MORC1: variants seen among roughly 807,000 people sequenced by gnomAD.
MORC1 encodes MORC family CW-type zinc finger protein 1.
MORC1 carries 59 observed loss-of-function variants against 134.9 expected under a neutral mutation model. The observed-to-expected ratio is 0.44, with a 90% CI of 0.35 to 0.54. The LOEUF (loss-of-function observed/expected upper bound fraction) is 0.54, where lower values mean the gene tolerates loss of function less well. MORC1 is among the 20% of genes least tolerant of loss of function. The pLI, the probability that MORC1 is intolerant of heterozygous loss-of-function variation, is 0.00. For synonymous variants in MORC1, 395 were observed against 391.7 expected, an observed-to-expected ratio of 1.01 and a Z score of -0.10; for missense variants, 947 against 1,134.5, an observed-to-expected ratio of 0.83 and a Z score of 2.37.
intron 3 of MORC1, 33 bp downstream of exon 3, chr3:109,110,716 A>T (rs959607113): frequency 6.5e-7 from 1 of 1,542,142 alleles, no homozygotes; most frequent in Admixed American, 2.1e-5. Flanking sequence ...TTTCCATTAG[A>T]AGAAAATAAA....
At chr3:109,095,159 A>T in intron 6 of MORC1, 91 bp from the exon 7 acceptor site, 1 of 1,217,764 alleles carries the variant, frequency 8.2e-7, no homozygotes, top group Non-Finnish European at 1.1e-6. Context: ...CTTCATCTAG[A>T]CAAATTACAA....
intron 8 of MORC1, among the ~76,000 whole-genome samples, chr3:109,071,236 G>C (rs76424859): frequency 0.032 from 4,900 of 152,166 alleles, 249 homozygotes; most frequent in African/African-American, 0.11. Flanking sequence ...TTTATCATTT[G>C]AAGGTAAAAA....
chr3:109,035,488 G>A lies in MORC1; in HGVS notation c.1331-20C>T, dbSNP rs770630953. 93 of 1,359,116 alleles carry A rather than the reference G, an allele frequency of 6.8e-5. 1 individual carries two copies. The highest frequency in any genetic ancestry group is 1.1e-4 in the Admixed American group (4 of 36,562). The allele number at this position is 1,359,116 out of a possible 1,614,324, so 84.2% of individuals were successfully genotyped here. On this transcript the variant is annotated intron_variant, in intron 14 of 27. Transcript: ENST00000232603. ...TATTATCTTTTAAAAAAAAAAGCAG[G>A]CAAAGAATAACAAAAAAAAATCATT...
intron 8 of MORC1, among the ~76,000 whole-genome samples, chr3:109,091,003 G>A (rs1950709702): frequency 6.6e-6 from 1 of 152,074 alleles, no homozygotes; most frequent in African/African-American, 2.4e-5. Context: ...CCTTGGACCA[G>A]AACTAATCCT....
intron 8 of MORC1, among the ~76,000 whole-genome samples, chr3:109,085,110 CTG>C (rs1333417369): frequency 6.6e-6 from 1 of 151,542 alleles, no homozygotes; most frequent in East Asian, 1.9e-4. Flanking sequence ...AGGGGTGTGT[CTG>C]TGTCTATCTG....
At chr3:109,001,877 AGCTGAACTCAT>A (rs1181447713) in intron 20 of MORC1, among the ~76,000 whole-genome samples, 2 of 152,198 alleles carry the variant, frequency 1.3e-5, no homozygotes, top group African/African-American at 4.8e-5. Context: ...AAATTATGTA[AGCTGAACTCAT>A]GCTGTTCTCC....
At chr3:109,030,247 C>T (rs922293558) in intron 16 of MORC1, among the ~76,000 whole-genome samples, 5 of 152,220 alleles carry the variant, frequency 3.3e-5, no homozygotes, top group Non-Finnish European at 7.3e-5. Flanking sequence ...CTTTAATACA[C>T]TTATTTTAAG....
intron 9 of MORC1, among the ~76,000 whole-genome samples, chr3:109,068,928 G>A (rs1176508335): frequency 1.3e-5 from 2 of 152,246 alleles, no homozygotes; most frequent in African/African-American, 4.8e-5. Context: ...GGCCAAGGCA[G>A]GTGGATCAGT....
At chr3:109,002,269 T>G (rs1559884493) in intron 20 of MORC1, among the ~76,000 whole-genome samples, 1 of 152,120 alleles carries the variant, frequency 6.6e-6, no homozygotes, top group East Asian at 1.9e-4. Context: ...CACAACGCAG[T>G]CAGGCACTAG....
intron 8 of MORC1, among the ~76,000 whole-genome samples, chr3:109,072,862 TTCTC>T: frequency 6.6e-6 from 1 of 151,782 alleles, no homozygotes; most frequent in Middle Eastern, 3.4e-3. Flanking sequence ...ATCTCTATCT[TTCTC>T]TCTCATTTTC....
chr3:109,004,186 G>A (rs1427593546), intron 20 of MORC1, among the ~76,000 whole-genome samples: 1 of 152,114 alleles, frequency 6.6e-6, no homozygotes. Flanking sequence ...GTCTTACACT[G>A]GGCAGAACTC....
At chr3:109,003,160 T>C (rs1948449025) in intron 20 of MORC1, among the ~76,000 whole-genome samples, 1 of 152,086 alleles carries the variant, frequency 6.6e-6, no homozygotes, top group Non-Finnish European at 1.5e-5. Context: ...GGTGTCTGTC[T>C]CTATCACTAG....
At chr3:109,108,963 G>T (rs971242927) in intron 3 of MORC1, among the ~76,000 whole-genome samples, 9 of 151,710 alleles carry the variant, frequency 5.9e-5, no homozygotes, top group Admixed American at 5.3e-4. Flanking sequence ...AAGTTCTTCA[G>T]TGGTCCACTG....
At chr3:109,048,418 T>A (rs1200715236) in intron 14 of MORC1, among the ~76,000 whole-genome samples, 1 of 152,136 alleles carries the variant, frequency 6.6e-6, no homozygotes, top group Non-Finnish European at 1.5e-5. Flanking sequence ...AATCCAGTTG[T>A]GGGGGAATAG....
At chr3:109,017,786 AAAG>A (rs1450858987) in intron 17 of MORC1, among the ~76,000 whole-genome samples, 1 of 152,220 alleles carries the variant, frequency 6.6e-6, no homozygotes, top group Non-Finnish European at 1.5e-5. Context: ...TTCAGATTTC[AAAG>A]AAGAATCATT....
chr3:108,968,431 A>G (rs2248522), intron 26 of MORC1, among the ~76,000 whole-genome samples: 18,039 of 152,154 alleles, frequency 0.12, 1,138 homozygotes, highest in Non-Finnish European at 0.14. Context: ...TCTTTGTAAG[A>G]AGGAATATGG....
chr3:108,990,740 A>C (rs974567063), intron 21 of MORC1, among the ~76,000 whole-genome samples: 2 of 152,132 alleles, frequency 1.3e-5, no homozygotes, highest in African/African-American at 2.4e-5. Context: ...TAGGACAGTA[A>C]CTGATGTTCA....
rs376604472 is a variant in MORC1, at chr3:109,054,962, A to AT, written c.1176-81dup. ...AAATATATTCTGGTCATTTGAAATC[A>AT]TTTTTTTTTTCAAAAATAAATTCAT... On this transcript the variant is annotated intron_variant, in intron 13 of 27. Coordinates refer to ENST00000232603, the MANE Select transcript of MORC1 (RefSeq NM_014429.4). 10,902 of 1,147,826 alleles carry AT rather than the reference A, an allele frequency of 9.5e-3. 2 individuals are homozygous for AT. The highest frequency in any genetic ancestry group is 0.011 in the Middle Eastern group (37 of 3,224). 71.1% of individuals were successfully genotyped at this position (1,147,826 alleles called of 1,614,324 possible).
chr3:109,007,021 T>C lies in MORC1; in HGVS notation c.1767+8A>G. ...CACAAATTGCTTAATCCTATATTAA[T>C]TACTCACCTTATGTGCTGAAGTTAG... On this transcript the variant is annotated splice_region_variant and intron_variant, in intron 18 of 27. Coordinates refer to ENST00000232603, the MANE Select transcript of MORC1 (RefSeq NM_014429.4). The C allele has an allele frequency of 1.2e-6, 2 of 1,604,420 alleles. No individual in the cohort carries two copies. The highest frequency in any genetic ancestry group is 8.5e-7 in the Non-Finnish European group (1 of 1,174,036).
Sources: gnomAD v4.1 joint callset for allele counts (sites outside exome capture counted in the v4.1 genomes callset) on GRCh38, gnomAD v4.1.1 for gene constraint, MANE v1.5 for transcripts, NCBI Gene and HGNC (gene_info 2026-07-23, HGNC 2026-07-21) for gene names.